The following PTPRD variants were observed in gnomAD, a reference collection of about 807,000 sequenced individuals.
PTPRD encodes the protein receptor-type tyrosine-protein phosphatase delta.
PTPRD carries 34 observed loss-of-function variants against 214.5 expected under a neutral mutation model. The observed-to-expected ratio is 0.16, with a 90% CI of 0.12 to 0.21. The LOEUF (loss-of-function observed/expected upper bound fraction) is 0.21, where lower values mean the gene tolerates loss of function less well. Ranked by LOEUF, PTPRD falls within the 10% of genes least tolerant of loss-of-function variation. PTPRD has a pLI of 1.00. For missense variants in PTPRD, 2,545 were observed against 2,398.7 expected (o/e 1.06, Z -1.27); for synonymous variants, 1,128 against 845.7 (o/e 1.33, Z -5.79).
chr9:9,734,914 G>C (rs1343602615), intron 6 of PTPRD, among the ~76,000 whole-genome samples: 3 of 152,026 alleles, frequency 2.0e-5, no homozygotes, highest in Admixed American at 1.3e-4. Context: ...CTAATAATTA[G>C]TACATAAATT....
intron 2 of PTPRD, among the ~76,000 whole-genome samples, chr9:10,574,517 T>C (rs2132101578): frequency 6.7e-6 from 1 of 150,218 alleles, no homozygotes. Context: ...AAGATACAAC[T>C]ACAACTAGAG....
chr9:8,876,801 G>A (rs978177374), intron 11 of PTPRD, among the ~76,000 whole-genome samples: 2 of 152,178 alleles, frequency 1.3e-5, no homozygotes, highest in Admixed American at 6.5e-5. Flanking sequence ...GTTTGCAAAT[G>A]TCTTTAAAAG....
At chr9:9,220,745 G>C (rs1447395770) in intron 9 of PTPRD, among the ~76,000 whole-genome samples, 1 of 152,010 alleles carries the variant, frequency 6.6e-6, no homozygotes, top group Non-Finnish European at 1.5e-5. Context: ...GTAGGAATGT[G>C]GGTAACTTAG....
chr9:9,314,876 T>C (rs1961693336), intron 9 of PTPRD, among the ~76,000 whole-genome samples: 1 of 152,050 alleles, frequency 6.6e-6, no homozygotes, highest in African/African-American at 2.4e-5. Context: ...AGGACCTTTT[T>C]TTCCTCGTCA....
At chr9:10,461,967 G>A (rs1452849806) in intron 2 of PTPRD, among the ~76,000 whole-genome samples, 1 of 152,086 alleles carries the variant, frequency 6.6e-6, no homozygotes, top group Non-Finnish European at 1.5e-5. Context: ...AATATATAGA[G>A]ATGGAAAATA....
In PTPRD at chr9:8,473,946, G is replaced by A. The variant is rs143526395; in HGVS notation, c.3414-2861C>T. On this transcript the variant is annotated intron_variant, in intron 30 of 45. Transcript: ENST00000381196. The stretch of plus-strand genomic sequence containing the variant: ...CTGTATCATACAAAGCCTCACCTCA[G>A]TCTAAATCCACACATTTCAACTGTG... Among the ~76,000 whole-genome samples, 71 of 152,298 alleles carry A rather than the reference G, an allele frequency of 4.7e-4. 1 individual carries two copies. The highest frequency in any genetic ancestry group is 1.7e-3 in the African/African-American group (71 of 41,572).
In PTPRD at chr9:9,779,078, C is replaced by CAAAAAAAAAAAAAAAAAAAAAA. The variant is rs869120926; in HGVS notation, c.-367-12249_-367-12228dup. Among the ~76,000 whole-genome samples, 84 of 45,484 alleles carry CAAAAAAAAAAAAAAAAAAAAAA rather than the reference C, an allele frequency of 1.8e-3. 18 individuals carry two copies. Among genetic ancestry groups the CAAAAAAAAAAAAAAAAAAAAAA allele is most frequent in the East Asian group, 3.2e-3 (5 of 1,564 alleles). The allele number at this position is 45,484 out of a possible 152,430, so 29.8% of individuals were successfully genotyped here. On this transcript the variant is annotated intron_variant, in intron 5 of 45. Coordinates refer to ENST00000381196, the MANE Select transcript of PTPRD (RefSeq NM_002839.4). ...GCCATGTGATCTTTCATAAGACTGA[C>CAAAAAAAAAAAAAAAAAAAAAA]AAAAAAAAAAAAAAAAAAAAAAAAA... is the stretch of plus-strand genomic sequence containing the variant.
intron 11 of PTPRD, chr9:8,962,257 C>T (rs978350863): frequency 6.6e-6 from 1 of 152,130 alleles, no homozygotes; most frequent in South Asian, 2.1e-4. Flanking sequence ...GCATCATTTC[C>T]TTTGCAGAGC....
intron 5 of PTPRD, among the ~76,000 whole-genome samples, chr9:9,885,589 C>T (rs1161542795): frequency 6.6e-6 from 1 of 151,780 alleles, no homozygotes; most frequent in Non-Finnish European, 1.5e-5. Flanking sequence ...TCTAGATAGA[C>T]CCAAGAGTCC....
chr9:9,257,413 T>G (rs2099978216), intron 9 of PTPRD, among the ~76,000 whole-genome samples: 1 of 151,986 alleles, frequency 6.6e-6, no homozygotes, highest in South Asian at 2.1e-4. Context: ...CCCAAGCTCT[T>G]AGTCATCAAA....
intron 11 of PTPRD, among the ~76,000 whole-genome samples, chr9:8,919,971 T>C (rs1037635346): frequency 4.7e-5 from 7 of 149,548 alleles, no homozygotes; most frequent in African/African-American, 1.7e-4. Context: ...TGTGTATGCA[T>C]GTATTGTCTT....
At chr9:9,757,223 T>C (rs1361492559) in intron 6 of PTPRD, among the ~76,000 whole-genome samples, 1 of 152,198 alleles carries the variant, frequency 6.6e-6, no homozygotes, top group African/African-American at 2.4e-5. Flanking sequence ...TATCTTTTAT[T>C]CTCTGCTTGA....
intron 8 of PTPRD, among the ~76,000 whole-genome samples, chr9:9,419,964 A>T (rs1311077455): frequency 6.6e-6 from 1 of 151,694 alleles, no homozygotes; most frequent in Admixed American, 6.6e-5. Flanking sequence ...CCGACGTAAG[A>T]CTTTCATATG....
At chr9:10,127,035 G>A (rs139928846) in intron 3 of PTPRD, among the ~76,000 whole-genome samples, 11 of 151,238 alleles carry the variant, frequency 7.3e-5, no homozygotes, top group African/African-American at 2.7e-4. Flanking sequence ...GCCTCTTCAG[G>A]GAAAGCAAGG....
At chr9:10,287,322 C>T (rs16925711) in intron 3 of PTPRD, among the ~76,000 whole-genome samples, 3,786 of 152,158 alleles carry the variant, frequency 0.025, 209 homozygotes, top group Admixed American at 0.12. Flanking sequence ...AGGGCCAAAC[C>T]GGCTTAAAAC....
At chr9:8,928,493 G>A (rs1334917858) in intron 11 of PTPRD, among the ~76,000 whole-genome samples, 1 of 151,966 alleles carries the variant, frequency 6.6e-6, no homozygotes, top group Non-Finnish European at 1.5e-5. Context: ...GGTCAGGTTT[G>A]TCAAAGATCA....
At chr9:9,014,185 T>G (rs936745520) in intron 11 of PTPRD, among the ~76,000 whole-genome samples, 5 of 143,066 alleles carry the variant, frequency 3.5e-5, no homozygotes, top group African/African-American at 1.3e-4. Context: ...TCGTTTTTTT[T>G]TGTTTGTTTG....
At chr9:9,772,535 G>A (rs567388242) in intron 5 of PTPRD, among the ~76,000 whole-genome samples, 1 of 149,984 alleles carries the variant, frequency 6.7e-6, no homozygotes, top group Admixed American at 6.8e-5. Context: ...GGTTTCAAAG[G>A]GTTGTCCATC....
chr9:10,433,580 G>A (rs1366123296), intron 2 of PTPRD, among the ~76,000 whole-genome samples: 1 of 151,948 alleles, frequency 6.6e-6, no homozygotes, highest in Non-Finnish European at 1.5e-5. Flanking sequence ...CAGATATTCT[G>A]TGTGATGAAT....
Sources: gnomAD v4.1 joint callset for allele counts (sites outside exome capture counted in the v4.1 genomes callset) on GRCh38, gnomAD v4.1.1 for gene constraint, MANE v1.5 for transcripts, NCBI Gene and HGNC (gene_info 2026-07-23, HGNC 2026-07-21) for gene names.